Variants in FGF12 observed in about 807,000 individuals in gnomAD.
FGF12 encodes fibroblast growth factor 12B.
Under a neutral mutation model 23.6 loss-of-function variants are expected in FGF12, and 14 were observed. That is an observed-to-expected ratio of 0.59 (90% CI 0.39 to 0.93). The LOEUF (loss-of-function observed/expected upper bound fraction) is 0.93. Ranked by LOEUF, FGF12 falls within the 40% of genes least tolerant of loss-of-function variation. The pLI is 0.00. For synonymous variants in FGF12, 62 were observed against 77.3 expected (o/e 0.80, Z 1.04); for missense variants, 175 against 217.8 (o/e 0.80, Z 1.24).
chr3:192,382,792 A>C (rs1719874577), intron 2 of FGF12, among the ~76,000 whole-genome samples: 1 of 152,208 alleles, frequency 6.6e-6, no homozygotes, highest in African/African-American at 2.4e-5. Flanking sequence ...TTACCCTGTA[A>C]AATGAATGCC....
At chr3:192,586,358 A>G (rs901712366) in intron 2 of FGF12, among the ~76,000 whole-genome samples, 2 of 152,220 alleles carry the variant, frequency 1.3e-5, no homozygotes, top group African/African-American at 4.8e-5. Context: ...AATTTACGCA[A>G]GTTAATTTCT....
intron 2 of FGF12, among the ~76,000 whole-genome samples, chr3:192,499,532 T>A (rs1276714661): frequency 4.6e-4 from 47 of 101,532 alleles, no homozygotes; most frequent in Non-Finnish European, 8.9e-4. Context: ...TTTTTTTTTT[T>A]TTTTTTTTTT....
At chr3:192,192,004 C>T (rs1042258271) in intron 4 of FGF12, among the ~76,000 whole-genome samples, 3 of 152,170 alleles carry the variant, frequency 2.0e-5, no homozygotes, top group Non-Finnish European at 2.9e-5. Flanking sequence ...GGGATAACAT[C>T]GTGTGCCTTT....
chr3:192,500,437 TC>T (rs34993789), intron 2 of FGF12, among the ~76,000 whole-genome samples: 5 of 145,258 alleles, frequency 3.4e-5, no homozygotes, highest in African/African-American at 5.1e-5. Flanking sequence ...AAATCCAACA[TC>T]CCCCCACCCG....
intron 2 of FGF12, among the ~76,000 whole-genome samples, chr3:192,379,599 C>T (rs1354794945): frequency 2.6e-5 from 4 of 152,198 alleles, no homozygotes; most frequent in African/African-American, 7.2e-5. Context: ...CCCAGAATGA[C>T]ATCGAAATTT....
At chr3:192,725,855 A>C (rs1719197077) in intron 2 of FGF12, among the ~76,000 whole-genome samples, 1 of 152,236 alleles carries the variant, frequency 6.6e-6, no homozygotes, top group South Asian at 2.1e-4. Context: ...GGAGTATAAT[A>C]GAGTTAATAA....
At chr3:192,383,571 G>C (rs1405250506) in intron 2 of FGF12, among the ~76,000 whole-genome samples, 1 of 149,222 alleles carries the variant, frequency 6.7e-6, no homozygotes, top group East Asian at 2.0e-4. Context: ...ATAAGTAATA[G>C]AGAAGACCAC....
rs73068562 is a variant in FGF12, at chr3:192,360,836, C to G, written c.14-298G>C. On this transcript the variant is annotated intron_variant, in intron 2 of 5. Coordinates refer to ENST00000445105, the MANE Select transcript of FGF12 (RefSeq NM_004113.6). This position sits in a 1 kb window ranked among gnomAD's most constrained non-coding sequence, Gnocchi z 4.3. Reference sequence around the variant, plus strand: ...TTTTCCTCCTTTGTGCATCTGGTGTCTGACTGCAAGATTTCACCAACTTTA... The same window carrying G: ...TTTTCCTCCTTTGTGCATCTGGTGTGTGACTGCAAGATTTCACCAACTTTA... 1.4e-3 allele frequency: 511 copies of G among 360,270 alleles called. 2 individuals are homozygous for G. Among genetic ancestry groups the G allele is most frequent in the African/African-American group, 9.5e-3 (455 of 47,748 alleles). The allele number at this position is 360,270 out of a possible 1,614,324, so 22.3% of individuals were successfully genotyped here.
At chr3:192,699,074 A>T (rs1001948739) in intron 2 of FGF12, among the ~76,000 whole-genome samples, 1 of 152,282 alleles carries the variant, frequency 6.6e-6, no homozygotes, top group Admixed American at 6.5e-5. Flanking sequence ...AAAACCTGCC[A>T]TCAGTGTTTC....
At chr3:192,598,768 C>T (rs975796490) in intron 2 of FGF12, among the ~76,000 whole-genome samples, 4 of 152,048 alleles carry the variant, frequency 2.6e-5, no homozygotes, top group Admixed American at 6.6e-5. Context: ...ATTAAGCAAC[C>T]GTATTTCAAA....
rs184856236 is a variant in FGF12, at chr3:192,272,245, G to A, written c.228+63116C>T. Among the ~76,000 whole-genome samples, 305 of 152,198 alleles carry A rather than the reference G, an allele frequency of 2.0e-3. 3 individuals carry two copies. Among genetic ancestry groups the A allele is most frequent in the African/African-American group, 6.1e-3 (252 of 41,522 alleles). ...TTTATTCTAGGAATTTTCAGTAACT[G>A]TTATTGCTTTTTTGTGGTAGCTATG... On this transcript the variant is annotated intron_variant, in intron 4 of 5. Transcript: ENST00000445105.
At chr3:192,499,373 G>A (rs1724051872) in intron 2 of FGF12, among the ~76,000 whole-genome samples, 1 of 150,800 alleles carries the variant, frequency 6.6e-6, no homozygotes, top group African/African-American at 2.4e-5. Context: ...TGGATTCAAA[G>A]ATCCAGCCAC....
At chr3:192,551,278 A>T (rs1383516172) in intron 2 of FGF12, among the ~76,000 whole-genome samples, 1 of 152,220 alleles carries the variant, frequency 6.6e-6, no homozygotes, top group Non-Finnish European at 1.5e-5. Context: ...TGAGAGGAGA[A>T]GGCACAGATC....
chr3:192,410,543 G>A (rs531934935), intron 2 of FGF12, among the ~76,000 whole-genome samples: 12 of 152,168 alleles, frequency 7.9e-5, no homozygotes, highest in Non-Finnish European at 1.6e-4. Flanking sequence ...AGAATTCTCT[G>A]TTTAGTTAGG....
intron 2 of FGF12, among the ~76,000 whole-genome samples, chr3:192,590,580 C>T (rs970925960): frequency 3.3e-5 from 5 of 151,872 alleles, no homozygotes; most frequent in East Asian, 3.9e-4. Context: ...AAGTCAAGTG[C>T]TGCCCAAAAA....
intron 4 of FGF12, among the ~76,000 whole-genome samples, chr3:192,175,791 C>T (rs1286695734): frequency 6.6e-6 from 1 of 152,144 alleles, no homozygotes; most frequent in African/African-American, 2.4e-5. Flanking sequence ...CTAGTCTCTC[C>T]CCATCCCATG....
At chr3:192,463,833 C>A (rs1336240018) in intron 2 of FGF12, among the ~76,000 whole-genome samples, 1 of 152,034 alleles carries the variant, frequency 6.6e-6, no homozygotes, top group East Asian at 1.9e-4. Flanking sequence ...AGGTTAGTTT[C>A]TGTTTTTGTT....
At chr3:192,211,671 C>T (rs1457995747) in intron 4 of FGF12, among the ~76,000 whole-genome samples, 2 of 152,140 alleles carry the variant, frequency 1.3e-5, no homozygotes, top group Non-Finnish European at 2.9e-5. Context: ...AGGTGACCCA[C>T]CTGCCTCAAC....
chr3:192,706,384 A>G (rs1439115311), intron 2 of FGF12, among the ~76,000 whole-genome samples: 1 of 152,152 alleles, frequency 6.6e-6, no homozygotes, highest in Non-Finnish European at 1.5e-5. Flanking sequence ...ACGTAACAGA[A>G]GCACATGAGG....
Sources: gnomAD v4.1 joint callset for allele counts (sites outside exome capture counted in the v4.1 genomes callset) on GRCh38, gnomAD v4.1.1 for gene constraint, Gnocchi (gnomAD v3.1) non-coding constraint, MANE v1.5 for transcripts, NCBI Gene and HGNC (gene_info 2026-07-23, HGNC 2026-07-21) for gene names.